Variants in CARMIL1 observed in about 807,000 individuals in gnomAD.
CARMIL1 encodes the protein capping protein regulator and myosin 1 linker 1.
A neutral mutation model predicts 177.1 loss-of-function variants in CARMIL1; 90 were observed. The observed-to-expected ratio is 0.51, with a 90% CI of 0.43 to 0.61. The LOEUF is 0.61. Ranked by LOEUF, CARMIL1 falls within the 20% of genes least tolerant of loss-of-function variation. The pLI is 0.00. For missense variants in CARMIL1, 1,380 were observed against 1,667.0 expected (o/e 0.83, Z 3.00); for synonymous variants, 577 against 606.2 (o/e 0.95, Z 0.71).
intron 2 of CARMIL1, among the ~76,000 whole-genome samples, chr6:25,410,573 T>C (rs1035497940): frequency 2.0e-5 from 3 of 146,414 alleles, no homozygotes; most frequent in Non-Finnish European, 3.0e-5. Flanking sequence ...TGAGTAATTC[T>C]GTGTGGTCTT....
chr6:25,309,978 C>T (rs6914798), intron 2 of CARMIL1, among the ~76,000 whole-genome samples: 31,540 of 151,722 alleles, frequency 0.21, 4,233 homozygotes, highest in East Asian at 0.4. Context: ...CCTCCTTGGC[C>T]AGGCTGGTCT....
chr6:25,500,984 G>A (rs10214630), intron 17 of CARMIL1, among the ~76,000 whole-genome samples: 2 of 151,694 alleles, frequency 1.3e-5, no homozygotes, highest in Non-Finnish European at 2.9e-5. Flanking sequence ...GGATGGTCTG[G>A]ATCTCCTGAC....
At position 25,313,683 on chromosome 6, in the gene CARMIL1, G is replaced by GCATATATATATGTATATATGTGTATA; in HGVS notation, c.138+28774_138+28775insCATATATATATGTATATATGTGTATA. Among the ~76,000 whole-genome samples, 20 of 133,776 alleles carry GCATATATATATGTATATATGTGTATA rather than the reference G, an allele frequency of 1.5e-4. 1 individual carries two copies. The highest frequency in any genetic ancestry group is 6.5e-4 in the African/African-American group (20 of 30,590). 87.8% of individuals were successfully genotyped at this position (133,776 alleles called of 152,430 possible). On this transcript the variant is annotated intron_variant, in intron 2 of 36. Transcript: ENST00000329474. ...TAAAGATCTTTACCCAGGGAAGGCTGTATATATACAGTTATTTGGGAGAAA... is the reference window on the plus strand; with the variant it reads ...TAAAGATCTTTACCCAGGGAAGGCTGCATATATATATGTATATATGTGTATATATATATACAGTTATTTGGGAGAAA...
At chr6:25,544,119 A>C (rs1057128759) in intron 26 of CARMIL1, among the ~76,000 whole-genome samples, 40 of 152,150 alleles carry the variant, frequency 2.6e-4, no homozygotes, top group African/African-American at 9.2e-4. Context: ...GGAAATATGG[A>C]TAGAATGAGA....
intron 2 of CARMIL1, among the ~76,000 whole-genome samples, chr6:25,332,969 C>T (rs1785845538): frequency 6.6e-6 from 1 of 152,076 alleles, no homozygotes; most frequent in South Asian, 2.1e-4. Flanking sequence ...TCATTGGGGT[C>T]TAGGGAAATA....
intron 2 of CARMIL1, among the ~76,000 whole-genome samples, chr6:25,398,448 T>G (rs1409544395): frequency 6.6e-6 from 1 of 152,238 alleles, no homozygotes; most frequent in East Asian, 1.9e-4. Context: ...TTAATTCTAG[T>G]TAATCTGTTT....
intron 2 of CARMIL1, among the ~76,000 whole-genome samples, chr6:25,331,072 C>T (rs34705887): frequency 0.031 from 4,710 of 152,148 alleles, 106 homozygotes; most frequent in Middle Eastern, 0.058. Flanking sequence ...AGCAAACTTC[C>T]TGGGAGGAGG....
At chr6:25,324,125 C>T (rs972999076) in intron 2 of CARMIL1, among the ~76,000 whole-genome samples, 4 of 152,182 alleles carry the variant, frequency 2.6e-5, no homozygotes, top group African/African-American at 7.2e-5. Flanking sequence ...CTGTTTAATG[C>T]CCCACAAAGG....
intron 2 of CARMIL1, among the ~76,000 whole-genome samples, chr6:25,346,223 A>G (rs769205041): frequency 6.6e-6 from 1 of 151,876 alleles, no homozygotes; most frequent in Non-Finnish European, 1.5e-5. Context: ...GCCCTCCATT[A>G]CCCTCTGGCT....
chr6:25,403,479 A>G (rs4712930), intron 2 of CARMIL1, among the ~76,000 whole-genome samples: 20,535 of 152,188 alleles, frequency 0.13, 1,616 homozygotes, highest in East Asian at 0.32. Flanking sequence ...AACAGCCAAT[A>G]AAGCCTCACA....
intron 2 of CARMIL1, among the ~76,000 whole-genome samples, chr6:25,325,063 C>G (rs1400654818): frequency 6.6e-6 from 1 of 152,018 alleles, no homozygotes; most frequent in Non-Finnish European, 1.5e-5. Flanking sequence ...AACATTAGTT[C>G]TAGTGTGATG....
intron 2 of CARMIL1, among the ~76,000 whole-genome samples, chr6:25,315,559 C>T (rs568393959): frequency 2.7e-5 from 4 of 149,842 alleles, no homozygotes; most frequent in South Asian, 2.1e-4. Flanking sequence ...TTTCTCTCAT[C>T]TCTTCCCCCA....
At chr6:25,405,357 C>G (rs1794268181) in intron 2 of CARMIL1, among the ~76,000 whole-genome samples, 1 of 152,034 alleles carries the variant, frequency 6.6e-6, no homozygotes, top group African/African-American at 2.4e-5. Context: ...ATTTGTATAC[C>G]TCATATAAGG....
rs745842918 is a variant in CARMIL1, at chr6:25,509,827, A to G, written c.1477+90A>G. ...ATAATCTTCTACCCAAATCCAAACA[A>G]TAGCTTAATAAAAAAATTGTTTTTT... On this transcript the variant is annotated intron_variant, in intron 18 of 36. Transcript: ENST00000329474. The surrounding 1 kb of genome is among the most constrained non-coding windows in gnomAD (Gnocchi z 4.1). 49 of 860,530 alleles carry G rather than the reference A, an allele frequency of 5.7e-5. No homozygotes were observed. Among genetic ancestry groups the G allele is most frequent in the Non-Finnish European group, 8.2e-5 (45 of 551,650 alleles). 53.3% of individuals were successfully genotyped at this position (860,530 alleles called of 1,614,324 possible).
chr6:25,551,915 G>C (rs169946), intron 27 of CARMIL1, among the ~76,000 whole-genome samples: 124,450 of 152,092 alleles, frequency 0.82, 51,277 homozygotes, highest in East Asian at 0.95. Context: ...AAAAACGAGC[G>C]AAAAACAAAA....
chr6:25,339,792 C>G (rs911704741), intron 2 of CARMIL1, among the ~76,000 whole-genome samples: 1 of 152,178 alleles, frequency 6.6e-6, no homozygotes, highest in East Asian at 1.9e-4. Flanking sequence ...TGACCTTGGG[C>G]AAGTTACTTA....
rs1435824574 is a variant in CARMIL1 at position 25,537,906 on chromosome 6, A to T, written c.2119A>T (p.Asn707Tyr). ...KVQDHLNSLRNCGGDAIQEDL... is the reference protein window; with the variant it reads ...KVQDHLNSLRYCGGDAIQEDL... ...ACAAGATCATCTCAACTCCTTACGA[A>T]ATTGTGGGGGAGACGCTATCCAGGA... Residue 707 changes from asparagine to tyrosine, a missense_variant, in exon 25 of 37, where the codon AAT becomes TAT. Coordinates refer to ENST00000329474, the MANE Select transcript of CARMIL1 (RefSeq NM_017640.6). The T allele has an allele frequency of 1.9e-6, 3 of 1,609,214 alleles. No individual in the cohort carries two copies. The African/African-American group carries it at 4.0e-5, about 21-fold the overall frequency.
chr6:25,492,158 TA>T, intron 15 of CARMIL1, 134 bp downstream of exon 15: 1 of 678,948 alleles, frequency 1.5e-6, no homozygotes. Context: ...TATCTATGAA[TA>T]TTAGTCCTTG....
rs200222081 is a variant in CARMIL1 at position 25,616,213 on chromosome 6, A to C, written c.3980-3234A>C. Among the ~76,000 whole-genome samples, 428 of 152,322 alleles carry C rather than the reference A, an allele frequency of 2.8e-3. 2 individuals are homozygous for C. The highest frequency in any genetic ancestry group is 0.02 in the Middle Eastern group (6 of 294). On this transcript the variant is annotated intron_variant, in intron 36 of 36. Coordinates refer to ENST00000329474, the MANE Select transcript of CARMIL1 (RefSeq NM_017640.6). ...CCTGTATAAAAGCAAGCATTAACTC[A>C]AGCTGCCTAAGAGGAGGTCTGTCTG...
Sources: gnomAD v4.1 joint callset for allele counts (sites outside exome capture counted in the v4.1 genomes callset) on GRCh38, gnomAD v4.1.1 for gene constraint, Gnocchi (gnomAD v3.1) non-coding constraint, MANE v1.5 for transcripts, NCBI Gene and HGNC (gene_info 2026-07-23, HGNC 2026-07-21) for gene names.